Variants in TRIP11 observed in about 807,000 individuals in gnomAD.
TRIP11 encodes the protein thyroid hormone receptor interactor 11, also known as thyroid receptor-interacting protein 11.
TRIP11 carries 148 observed loss-of-function variants against 223.1 expected under a neutral mutation model. The observed-to-expected ratio is 0.66, with a 90% confidence interval of 0.58 to 0.76. The LOEUF is 0.76. Ranked by LOEUF, TRIP11 falls within the 30% of genes least tolerant of loss-of-function variation. The pLI, the probability that TRIP11 is intolerant of heterozygous loss-of-function variation, is 0.00. For synonymous variants in TRIP11, 762 were observed against 772.6 expected, an observed-to-expected ratio of 0.99 and a Z score of 0.23; for missense variants, 2,043 against 2,222.0, an observed-to-expected ratio of 0.92 and a Z score of 1.62.
In TRIP11 at chr14:92,011,342, T is replaced by A. The variant is rs545731257; in HGVS notation, c.1228-270A>T. On this transcript the variant is annotated intron_variant, in intron 8 of 20. Coordinates refer to ENST00000267622, the MANE Select transcript of TRIP11 (RefSeq NM_004239.4). ...CCGTCTCTACTAAAAATACAAAAAA[T>A]TAGCCGGGTGTGGTGGCACGCTCCT... Among the ~76,000 whole-genome samples the A allele has an allele frequency of 9.2e-5, 14 of 151,842 alleles. No homozygotes were observed. In the South Asian group the frequency reaches 1.9e-3, roughly 20 times the overall value.
At chr14:92,026,596 G>A (rs993451034) in intron 2 of TRIP11, 8 of 1,277,170 alleles carry the variant, frequency 6.3e-6, no homozygotes, top group African/African-American at 5.9e-5. Context: ...CACCAGCTCC[G>A]AAATCACCAC....
At chr14:91,988,162 C>T (rs2056625441) in intron 16 of TRIP11, 122 bp downstream of exon 16, 2 of 744,162 alleles carry the variant, frequency 2.7e-6, no homozygotes, top group African/African-American at 1.8e-5. Context: ...AGGGAAGATA[C>T]AAATGGAAGT....
In TRIP11 at chr14:91,973,243, C is replaced by T. The variant is rs566966187; in HGVS notation, c.5575-382G>A. 1.3e-3 allele frequency among the ~76,000 whole-genome samples: 199 copies of T among 152,248 alleles called. 1 individual carries two copies. Among genetic ancestry groups the T allele is most frequent in the Non-Finnish European group, 8.7e-4 (59 of 68,018 alleles). On this transcript the variant is annotated intron_variant, in intron 19 of 20. Transcript: ENST00000267622. ...GTTTCACCATGTTGGTTAGGCTGGT[C>T]TCAAACTCCTGACCCTGTGATCCGC...
rs1389252308 is a variant in TRIP11 at position 92,003,763 on chromosome 14, A to G, written c.4213T>C (p.Leu1405=). The change falls in exon 11 of 21, where the codon TTG becomes CTG. Residue 1405 remains leucine (L), a synonymous_variant. Coordinates refer to ENST00000267622, the MANE Select transcript of TRIP11 (RefSeq NM_004239.4). ...IKQLKEKQDV[L]QKLLKEKDLL... is the part of the protein sequence containing the mutation. ...TCTTTTTCCTTAAGTAACTTTTGCA[A>G]AACATCTTGTTTCTCCTTTAGCTGC... 1.2e-6 allele frequency: 2 copies of G among 1,614,162 alleles called. No homozygotes were observed. The highest frequency in any genetic ancestry group is 1.7e-6 in the Non-Finnish European group (2 of 1,180,038).
chr14:92,039,262 A>C (rs937469645), intron 1 of TRIP11, among the ~76,000 whole-genome samples: 3 of 152,196 alleles, frequency 2.0e-5, no homozygotes, highest in African/African-American at 7.2e-5. Context: ...GGATCAACCA[A>C]ACGAAAATAA....
chr14:92,003,399 A>G lies in TRIP11; in HGVS notation c.4557+20T>C. ...CCTCCACCCCCAACTTCCTTCTACA[A>G]TACTCCATCCAGAACACACCTGTTC... On this transcript the variant is annotated intron_variant, in intron 11 of 20. Coordinates refer to ENST00000267622, the MANE Select transcript of TRIP11 (RefSeq NM_004239.4). The G allele has an allele frequency of 6.2e-7, 1 of 1,611,594 alleles. No individual in the cohort carries two copies.
At chr14:91,974,552 C>T (rs2056439407) in intron 19 of TRIP11, 75 bp downstream of exon 19, 1 of 1,224,368 alleles carries the variant, frequency 8.2e-7, no homozygotes, top group Non-Finnish European at 1.2e-6. Flanking sequence ...AAAAAAAAAT[C>T]TGATTCTTTG....
At chr14:92,015,951 T>C in intron 5 of TRIP11, 90 bp from the exon 6 acceptor site, 1 of 1,246,030 alleles carries the variant, frequency 8.0e-7, no homozygotes, top group Non-Finnish European at 1.1e-6. Context: ...GTGTGCATTA[T>C]TAAAAAGAAT....
rs536046711 is a variant in TRIP11 at position 92,021,446 on chromosome 14, T to C, written c.588+110A>G. 7 of 1,073,794 alleles carry C rather than the reference T, an allele frequency of 6.5e-6. No individual in the cohort carries two copies. The East Asian group carries it at 9.7e-5, about 15-fold the overall frequency. 66.5% of individuals were successfully genotyped at this position (1,073,794 alleles called of 1,614,324 possible). A position where few individuals can be genotyped will look rare whatever the true frequency, so the allele number is the denominator to read the frequency against. On this transcript the variant is annotated intron_variant, in intron 4 of 20. Transcript: ENST00000267622. ...ACGGAATTAGAATACACCTTTTCTA[T>C]TTCCTAGTCCAGGGTTCTTTCTGAT...
rs2057368877 is a variant in TRIP11 at position 92,040,046 on chromosome 14, A to G, written c.-361T>C. On this transcript the variant is annotated 5_prime_UTR_variant, in exon 1 of 21. Transcript: ENST00000267622. ...CGGCCGCCATGACACTCGCTCGGAA[A>G]GCGGCAGCGGATCATAGAAAAGCGC... 3 of 417,694 alleles carry G rather than the reference A, an allele frequency of 7.2e-6. No individual in the cohort carries two copies. The highest frequency in any genetic ancestry group is 1.3e-5 in the Non-Finnish European group (3 of 222,260). 25.9% of individuals were successfully genotyped at this position (417,694 alleles called of 1,614,324 possible). A position where few individuals can be genotyped will look rare whatever the true frequency, so the allele number is the denominator to read the frequency against.
chr14:91,992,895 C>A (rs1009018100), intron 15 of TRIP11, among the ~76,000 whole-genome samples: 1 of 107,802 alleles, frequency 9.3e-6, no homozygotes, highest in Non-Finnish European at 1.7e-5. Context: ...GGCAACAGAG[C>A]GAGACTCCGT....
intron 16 of TRIP11, among the ~76,000 whole-genome samples, chr14:91,981,108 C>T (rs1436335192): frequency 6.9e-6 from 1 of 145,806 alleles, no homozygotes; most frequent in Non-Finnish European, 1.5e-5. Context: ...CTCCACCTCC[C>T]AGGTTCAAGC....
In TRIP11 at chr14:92,003,484, ACT is replaced by A. The variant is rs1346177229; in HGVS notation, c.4490_4491del (p.Glu1497ValfsTer2). On this transcript the variant is annotated frameshift_variant, in exon 11 of 21. Coordinates refer to ENST00000267622, the MANE Select transcript of TRIP11 (RefSeq NM_004239.4). LOFTEE classifies it high-confidence loss of function. ...TTCTCCTTCATTGAGTGGCACTCAA[ACT>A]CTTTTTCTCGCAGCATCATAGAAAA... ...MKFSMMLREKEFECHSMKEKA... is the reference protein window; with the variant it reads ...MKFSMMLREKXFECHSMKEKA... 5 of 1,613,754 alleles carry A rather than the reference ACT, an allele frequency of 3.1e-6. No homozygotes were observed. The highest frequency in any genetic ancestry group is 4.2e-6 in the Non-Finnish European group (5 of 1,179,966).
chr14:91,976,053 T>A (rs1003226478), intron 17 of TRIP11, 55 bp downstream of exon 17: 23 of 1,539,184 alleles, frequency 1.5e-5, no homozygotes, highest in African/African-American at 1.4e-5. Flanking sequence ...AGTTTTTTTT[T>A]AACCATAAAA....
chr14:92,004,583 T>C lies in TRIP11; in HGVS notation c.3393A>G (p.Ala1131=), dbSNP rs1358867501. Reference sequence around the variant, plus strand: ...TTTCATCTTGCAGTTTGATAAGAGCTGCTTCCTTGGCAGCAACAATATCCA... The same window carrying C: ...TTTCATCTTGCAGTTTGATAAGAGCCGCTTCCTTGGCAGCAACAATATCCA... ...KMMDIVAAKE[A]ALIKLQDENK... The change falls in exon 11 of 21, where the codon GCA becomes GCG. Residue 1131 remains alanine (A), a synonymous_variant. Coordinates refer to ENST00000267622, the MANE Select transcript of TRIP11 (RefSeq NM_004239.4). The C allele has an allele frequency of 6.2e-7, 1 of 1,614,048 alleles. No individual in the cohort carries two copies.
chr14:92,014,500 T>C lies in TRIP11; in HGVS notation c.901A>G (p.Lys301Glu), dbSNP rs1436169232. 2 of 1,597,342 alleles carry C rather than the reference T, an allele frequency of 1.3e-6. No individual in the cohort carries two copies. The highest frequency in any genetic ancestry group is 3.5e-5 in the Admixed American group (2 of 57,038). Residue 301 changes from lysine (K) to glutamate (E), a missense_variant, in exon 7 of 21, where the codon AAA (lysine) becomes GAA (glutamate). By Grantham distance (56) the Lys-to-Glu change is moderately conservative. Transcript: ENST00000267622. ...QKTIQVLQIE[K>E]VESTKKMEQL... is the part of the protein sequence containing the mutation. ...TCCATTTTTTTGGTAGACTCCACTT[T>C]TTCTATTTGTAGAACTTGAATAGTT...
chr14:91,973,024 A>ATTTT (rs2056418780), intron 19 of TRIP11, among the ~76,000 whole-genome samples, 163 bp from the exon 20 acceptor site: 2 of 136,708 alleles, frequency 1.5e-5, no homozygotes, highest in East Asian at 2.0e-4. Context: ...AAATACTGGC[A>ATTTT]CTTTTTTTTT....
intron 2 of TRIP11, chr14:92,026,501 G>A (rs773327253): frequency 3.5e-5 from 34 of 980,036 alleles, no homozygotes; most frequent in East Asian, 4.9e-5. Context: ...CAGCTTTATC[G>A]CCAGAGTCCC....
At chr14:92,024,017 G>A (rs1459552815) in intron 3 of TRIP11, among the ~76,000 whole-genome samples, 6 of 151,638 alleles carry the variant, frequency 4.0e-5, no homozygotes, top group African/African-American at 7.3e-5. Flanking sequence ...CACCACGTCC[G>A]GCTAATTTTT....
Sources: gnomAD v4.1 joint callset for allele counts (sites outside exome capture counted in the v4.1 genomes callset) on GRCh38, gnomAD v4.1.1 for gene constraint, MANE v1.5 for transcripts, NCBI Gene and HGNC (gene_info 2026-07-23, HGNC 2026-07-21) for gene names.